Variants in LAD1 observed in about 807,000 individuals in gnomAD.
The protein encoded by LAD1 is ladinin-1.
LAD1 carries 53 observed loss-of-function variants against 54.2 expected under a neutral mutation model. The observed-to-expected ratio is 0.98, with a 90% CI of 0.78 to 1.23. The LOEUF is 1.23. LAD1 is among the 50% of genes most tolerant of loss of function. The probability of loss-of-function intolerance (pLI) is 0.00; values close to 1 mark genes in which losing one functional copy is unlikely to be tolerated. For synonymous variants in LAD1, 231 were observed against 257.7 expected (o/e 0.90, Z 0.99); for missense variants, 637 against 653.3 (o/e 0.98, Z 0.27).
At chr1:201,382,622 C>A (rs1661985938) in intron 8 of LAD1, 31 bp downstream of exon 8, 1 of 1,535,064 alleles carries the variant, frequency 6.5e-7, no homozygotes, top group East Asian at 2.3e-5. Flanking sequence ...AAAGGCTCCA[C>A]AGTAAGAGAC....
intron 1 of LAD1, among the ~76,000 whole-genome samples, chr1:201,398,703 A>G (rs897608059): frequency 6.6e-6 from 1 of 152,170 alleles, no homozygotes; most frequent in Non-Finnish European, 1.5e-5. Context: ...GGGGATGGCA[A>G]CTATCTTAAG....
chr1:201,391,813 CG>C (rs1662200410), intron 1 of LAD1, among the ~76,000 whole-genome samples: 1 of 152,118 alleles, frequency 6.6e-6, no homozygotes, highest in Non-Finnish European at 1.5e-5. Context: ...AGCTTCACCC[CG>C]GGAGACAGGA....
chr1:201,387,318 C>A, intron 2 of LAD1, 140 bp from the exon 3 acceptor site: 1 of 773,110 alleles, frequency 1.3e-6, no homozygotes, highest in Non-Finnish European at 1.9e-6. Flanking sequence ...CTCACCACCA[C>A]CTTTATCCAC....
chr1:201,386,189 G>T, intron 3 of LAD1, 146 bp downstream of exon 3: 1 of 812,150 alleles, frequency 1.2e-6, no homozygotes, highest in Middle Eastern at 3.9e-4. Flanking sequence ...GCTAGAAGCA[G>T]GCAGGGAAAG....
intron 1 of LAD1, among the ~76,000 whole-genome samples, chr1:201,397,057 C>T (rs1662303276): frequency 6.6e-6 from 1 of 152,194 alleles, no homozygotes; most frequent in Admixed American, 6.5e-5. Context: ...ACCACTGCCC[C>T]CCCAATCCCA....
chr1:201,393,399 A>G (rs1662230312), intron 1 of LAD1, among the ~76,000 whole-genome samples: 1 of 152,220 alleles, frequency 6.6e-6, no homozygotes, highest in African/African-American at 2.4e-5. Context: ...GGTAAATGGA[A>G]ACCAAAAAAG....
intron 5 of LAD1, 66 bp from the exon 6 acceptor site, chr1:201,383,455 G>A: frequency 6.9e-7 from 1 of 1,440,056 alleles, no homozygotes; most frequent in African/African-American, 1.4e-5. Context: ...CCTGCCCCCA[G>A]GGCCTGAGGA....
Position 201,383,328 on chromosome 1 carries a change from TGTG to T in LAD1, c.1234_1236del (p.His412del). The T allele has an allele frequency of 6.2e-7, 1 of 1,613,988 alleles. No homozygotes were observed. Among genetic ancestry groups the T allele is most frequent in the Non-Finnish European group, 8.5e-7 (1 of 1,179,988 alleles). ...AAGCCCCCACCCACCCGTATGGCCG[TGTG>T]GTATCTCTCCAGCTTCTCTCCCAAC... On this transcript the variant is annotated inframe_deletion, in exon 6 of 10. Transcript: ENST00000391967.
rs12078505 is a variant in LAD1, at chr1:201,386,202, G to C, written c.1026+133C>G. 7,187 of 918,886 alleles carry C rather than the reference G, an allele frequency of 7.8e-3. 324 individuals are homozygous for C. In the African/African-American group the frequency reaches 0.1, roughly 13 times the overall value. The allele number at this position is 918,886 out of a possible 1,614,324, so 56.9% of individuals were successfully genotyped here. A position where few individuals can be genotyped will look rare whatever the true frequency, so the allele number is the denominator to read the frequency against. On this transcript the variant is annotated intron_variant, in intron 3 of 9. Coordinates refer to ENST00000391967, the MANE Select transcript of LAD1 (RefSeq NM_005558.4). ...TGGCTAGAAGCAGGCAGGGAAAGAA[G>C]AGACTTCCAAGGCCAGCCTGCAGGT... is the stretch of plus-strand genomic sequence containing the variant.
Position 201,382,705 on chromosome 1 carries a change from C to G in LAD1, c.1421G>C (p.Arg474Thr). The G allele has an allele frequency of 6.2e-7, 1 of 1,608,090 alleles. No individual in the cohort carries two copies. The highest frequency in any genetic ancestry group is 8.5e-7 in the Non-Finnish European group (1 of 1,177,548). Reference protein sequence around the residue: ...NLRLSGVVTSRLNLWISRTQE... With the variant: ...NLRLSGVVTSTLNLWISRTQE... ...GGTCCTGCTGATCCACAGGTTGAGC[C>G]TTGATGTCACAACCCCTGAGAGCCT... Residue 474 changes from arginine to threonine, a missense_variant, in exon 8 of 10, where the codon AGG becomes ACG. Transcript: ENST00000391967.
intron 1 of LAD1, chr1:201,391,277 C>A (rs1473580564): frequency 2.0e-5 from 8 of 397,372 alleles, no homozygotes; most frequent in South Asian, 1.3e-4. Flanking sequence ...GCCCCAGTCA[C>A]CCTTCATTCA....
chr1:201,393,616 G>A lies in LAD1; in HGVS notation c.39-4313C>T, dbSNP rs1054836741. Among the ~76,000 whole-genome samples the A allele has an allele frequency of 1.1e-4, 17 of 151,960 alleles. No homozygotes were observed. The East Asian group carries it at 2.5e-3, about 23-fold the overall frequency. ...CAAAAATTAGCCGGGCATGGTGGCA[G>A]ACTCCTATAATCCCAGCCACTTGGG... is the stretch of plus-strand genomic sequence containing the variant. On this transcript the variant is annotated intron_variant, in intron 1 of 9. Coordinates refer to ENST00000391967, the MANE Select transcript of LAD1 (RefSeq NM_005558.4).
chr1:201,391,061 C>A, intron 1 of LAD1: 1 of 453,398 alleles, frequency 2.2e-6, no homozygotes, highest in South Asian at 1.6e-5. Flanking sequence ...GGAAGACTTA[C>A]AAACAAAACC....
intron 1 of LAD1, 46 bp downstream of exon 1, chr1:201,399,223 G>A: frequency 6.7e-7 from 1 of 1,483,406 alleles, no homozygotes; most frequent in Non-Finnish European, 9.1e-7. Context: ...AGACCCAAAG[G>A]CTCCCCGCCG....
In LAD1 at chr1:201,396,262, A is replaced by G. The variant is rs147409301; in HGVS notation, c.38+3007T>C. The stretch of plus-strand genomic sequence containing the variant: ...CCTCCTGGCCTTCATCTGGGGACAC[A>G]TGTCCCTCTCGGTGTCTCCATGTAA... On this transcript the variant is annotated intron_variant, in intron 1 of 9. Coordinates refer to ENST00000391967, the MANE Select transcript of LAD1 (RefSeq NM_005558.4). Among the ~76,000 whole-genome samples, 236 of 151,126 alleles carry G rather than the reference A, an allele frequency of 1.6e-3. 1 individual carries two copies. Among genetic ancestry groups the G allele is most frequent in the African/African-American group, 5.5e-3 (224 of 41,030 alleles).
At chr1:201,393,031 G>A (rs1454507494) in intron 1 of LAD1, among the ~76,000 whole-genome samples, 9 of 152,200 alleles carry the variant, frequency 5.9e-5, no homozygotes, top group Admixed American at 5.9e-4. Flanking sequence ...AGAACTGCTA[G>A]ATTTTGGGCC....
chr1:201,391,650 A>G (rs186793701), intron 1 of LAD1, among the ~76,000 whole-genome samples: 3 of 152,368 alleles, frequency 2.0e-5, no homozygotes, highest in African/African-American at 7.2e-5. Context: ...GTGAGAGAAC[A>G]GATGCTATAG....
chr1:201,382,219 C>A, intron 9 of LAD1, 33 bp downstream of exon 9: 1 of 1,582,482 alleles, frequency 6.3e-7, no homozygotes, highest in East Asian at 2.2e-5. Context: ...CGTGGCCCTC[C>A]GCCGTAGGGC....
chr1:201,388,721 G>A (rs1043175814), intron 2 of LAD1, among the ~76,000 whole-genome samples: 1 of 152,026 alleles, frequency 6.6e-6, no homozygotes, highest in African/African-American at 2.4e-5. Flanking sequence ...AGAGGGTCAG[G>A]GTTAGAAGAA....
Sources: gnomAD v4.1 joint callset for allele counts (sites outside exome capture counted in the v4.1 genomes callset) on GRCh38, gnomAD v4.1.1 for gene constraint, MANE v1.5 for transcripts, NCBI Gene and HGNC (gene_info 2026-07-23, HGNC 2026-07-21) for gene names.